SYNDIG1: variants seen among roughly 807,000 people sequenced by gnomAD.
The protein encoded by SYNDIG1 is synapse differentiation inducing 1.
In SYNDIG1, 9 loss-of-function variants were observed where a neutral mutation model predicts 19.4. The ratio of observed to expected loss-of-function variants is 0.46; its 90% CI spans 0.28 to 0.81. The LOEUF is 0.81. Among genes scored for constraint, SYNDIG1 ranks in the 30% least tolerant of loss-of-function variants. The probability of loss-of-function intolerance (pLI) is 0.12; values close to 1 mark genes in which losing one functional copy is unlikely to be tolerated. For synonymous variants in SYNDIG1, 141 were observed against 145.9 expected (o/e 0.97, Z 0.24); for missense variants, 311 against 343.3 (o/e 0.91, Z 0.74).
intron 2 of SYNDIG1, among the ~76,000 whole-genome samples, chr20:24,567,991 G>T (rs901961202): frequency 6.6e-6 from 1 of 151,838 alleles, no homozygotes; most frequent in South Asian, 2.1e-4. Context: ...AAAATTAGCC[G>T]GACATGATGG....
Position 24,662,649 on chromosome 20 carries a change from AC to A in SYNDIG1, c.619-2692del, listed in dbSNP as rs138313263. Among the ~76,000 whole-genome samples, 326 of 152,160 alleles carry A rather than the reference AC, an allele frequency of 2.1e-3. 3 individuals carry two copies. Among genetic ancestry groups the A allele is most frequent in the African/African-American group, 7.6e-3 (314 of 41,504 alleles). ...TGTCTTTGGGTCCTGCTGAGCCCCT[AC>A]CCCCAGCCCACCGCTGGCACAAGGT... On this transcript the variant is annotated intron_variant, in intron 3 of 3. Transcript: ENST00000376862.
chr20:24,639,503 C>T (rs1384554512), intron 3 of SYNDIG1, among the ~76,000 whole-genome samples: 1 of 152,176 alleles, frequency 6.6e-6, no homozygotes, highest in Admixed American at 6.5e-5. Flanking sequence ...GCCTGCTGTC[C>T]CTGCCCTTCA....
chr20:24,513,312 C>T (rs185616696), intron 1 of SYNDIG1, among the ~76,000 whole-genome samples: 352 of 152,204 alleles, frequency 2.3e-3, no homozygotes, highest in African/African-American at 8.2e-3. Flanking sequence ...AGGCTTCAGA[C>T]GATCAAACTT....
intron 2 of SYNDIG1, among the ~76,000 whole-genome samples, chr20:24,555,479 T>C (rs1480695030): frequency 6.6e-6 from 1 of 152,210 alleles, no homozygotes; most frequent in Non-Finnish European, 1.5e-5. Flanking sequence ...GCTTTGAATG[T>C]GTCCCAGAGA....
At chr20:24,641,568 C>T (rs753975734) in intron 3 of SYNDIG1, among the ~76,000 whole-genome samples, 6 of 152,046 alleles carry the variant, frequency 3.9e-5, no homozygotes, top group South Asian at 2.1e-4. Context: ...TAGTATTTGT[C>T]GCAACCAGCA....
chr20:24,580,628 C>T (rs1307609206), intron 2 of SYNDIG1, among the ~76,000 whole-genome samples: 1 of 152,078 alleles, frequency 6.6e-6, no homozygotes, highest in Non-Finnish European at 1.5e-5. Context: ...AGGCGGGTCT[C>T]GAACTCCTGA....
chr20:24,602,601 C>T (rs565224450), intron 3 of SYNDIG1, among the ~76,000 whole-genome samples: 1 of 152,360 alleles, frequency 6.6e-6, no homozygotes, highest in South Asian at 2.1e-4. Context: ...GGTCAGCAAA[C>T]ATCCCTAGGG....
At chr20:24,539,119 GTT>G (rs1337673571) in intron 1 of SYNDIG1, among the ~76,000 whole-genome samples, 1 of 152,110 alleles carries the variant, frequency 6.6e-6, no homozygotes, top group Non-Finnish European at 1.5e-5. Flanking sequence ...AGTCCAACTT[GTT>G]TTTTCTTTTG....
At chr20:24,488,290 C>T (rs970618034) in intron 1 of SYNDIG1, among the ~76,000 whole-genome samples, 4 of 152,206 alleles carry the variant, frequency 2.6e-5, no homozygotes, top group Non-Finnish European at 2.9e-5. Context: ...AGGCACCATG[C>T]GAGGCACTGC....
intron 1 of SYNDIG1, among the ~76,000 whole-genome samples, chr20:24,519,360 G>T (rs1022565120): frequency 4.6e-5 from 7 of 152,160 alleles, no homozygotes; most frequent in African/African-American, 1.7e-4. Context: ...TTGTTTTTAT[G>T]CTTTTGGTTT....
chr20:24,547,990 T>G (rs114283208), intron 2 of SYNDIG1, among the ~76,000 whole-genome samples: 1,797 of 152,004 alleles, frequency 0.012, 35 homozygotes, highest in African/African-American at 0.041. Flanking sequence ...GCGGTGCCCA[T>G]GGGGGCTGAG....
intron 3 of SYNDIG1, among the ~76,000 whole-genome samples, chr20:24,647,907 G>A (rs2059436317): frequency 6.6e-6 from 1 of 151,884 alleles, no homozygotes; most frequent in Admixed American, 6.6e-5. Context: ...CTAGAGGCTG[G>A]GCATCTGAGA....
At chr20:24,590,448 C>T (rs1288565532) in intron 3 of SYNDIG1, among the ~76,000 whole-genome samples, 1 of 152,010 alleles carries the variant, frequency 6.6e-6, no homozygotes, top group African/African-American at 2.4e-5. Context: ...CCCCTGTGGC[C>T]ACATGCTCCC....
chr20:24,586,151 G>C (rs1241736377), intron 3 of SYNDIG1, among the ~76,000 whole-genome samples: 1 of 152,170 alleles, frequency 6.6e-6, no homozygotes, highest in African/African-American at 2.4e-5. Context: ...GTGGTCTGTG[G>C]TCCTCCTGAG....
chr20:24,639,980 A>G (rs2147333751), intron 3 of SYNDIG1, among the ~76,000 whole-genome samples: 1 of 152,326 alleles, frequency 6.6e-6, no homozygotes, highest in East Asian at 1.9e-4. Flanking sequence ...TCATTCTAGT[A>G]AATAACACTA....
At chr20:24,647,767 C>CT (rs887278109) in intron 3 of SYNDIG1, among the ~76,000 whole-genome samples, 3 of 150,028 alleles carry the variant, frequency 2.0e-5, no homozygotes, top group Non-Finnish European at 4.4e-5. Flanking sequence ...TTTCCAGCAA[C>CT]TAGATACACG....
chr20:24,503,594 C>T (rs1049046510), intron 1 of SYNDIG1, among the ~76,000 whole-genome samples: 2 of 151,816 alleles, frequency 1.3e-5, no homozygotes, highest in Non-Finnish European at 2.9e-5. Context: ...GGAATGCCTC[C>T]CCAGCCCCCC....
At chr20:24,616,413 C>G (rs1215691210) in intron 3 of SYNDIG1, among the ~76,000 whole-genome samples, 2 of 152,244 alleles carry the variant, frequency 1.3e-5, no homozygotes, top group African/African-American at 2.4e-5. Flanking sequence ...CTGCATCCTC[C>G]CAGCTCTGCC....
At chr20:24,563,230 A>G (rs1019932945) in intron 2 of SYNDIG1, among the ~76,000 whole-genome samples, 3 of 152,212 alleles carry the variant, frequency 2.0e-5, no homozygotes, top group African/African-American at 7.2e-5. Context: ...ACTCTCTAAT[A>G]TGTGTCTAAA....
Sources: gnomAD v4.1 joint callset for allele counts (sites outside exome capture counted in the v4.1 genomes callset) on GRCh38, gnomAD v4.1.1 for gene constraint, MANE v1.5 for transcripts, NCBI Gene and HGNC (gene_info 2026-07-23, HGNC 2026-07-21) for gene names.